Variants in CDK19 observed in about 807,000 individuals in gnomAD.
CDK19 encodes the protein cyclin dependent kinase 19.
A neutral mutation model predicts 68.3 loss-of-function variants in CDK19; 20 were observed. That is an observed-to-expected ratio of 0.29 (90% CI 0.21 to 0.43). The LOEUF is 0.43. CDK19 is among the 20% of genes least tolerant of loss of function. The pLI is 1.00. For synonymous variants in CDK19, 221 were observed against 222.8 expected, an observed-to-expected ratio of 0.99 and a Z score of 0.07; for missense variants, 339 against 623.5, an observed-to-expected ratio of 0.54 and a Z score of 4.86.
intron 1 of CDK19, among the ~76,000 whole-genome samples, chr6:110,746,977 T>G (rs1778119766): frequency 6.6e-6 from 1 of 152,154 alleles, no homozygotes; most frequent in South Asian, 2.1e-4. Flanking sequence ...TTCTCAAGGG[T>G]GCTGATACCA....
At chr6:110,715,416 G>A (rs560670090) in intron 2 of CDK19, among the ~76,000 whole-genome samples, 36 of 152,268 alleles carry the variant, frequency 2.4e-4, no homozygotes, top group Non-Finnish European at 4.7e-4. Flanking sequence ...TTAAGAATCA[G>A]ACAGAAAATG....
Position 110,614,616 on chromosome 6 carries a change from C to T in CDK19, c.1428G>A (p.Gln476=). Residue 476 remains glutamine (Q), a synonymous_variant, in exon 13 of 13, where the codon CAG becomes CAA. Coordinates refer to ENST00000368911, the MANE Select transcript of CDK19 (RefSeq NM_015076.5). ...NYQSSVQGSS[Q]SQSTLGYSSS... ...AAGAGTAGCCAAGTGTGCTCTGGGA[C>T]TGAGAGGATCCCTGAACGCTGCTTT... 6.2e-7 allele frequency: 1 copy of T among 1,613,910 alleles called. No individual in the cohort carries two copies. The highest frequency in any genetic ancestry group is 8.5e-7 in the Non-Finnish European group (1 of 1,179,860).
chr6:110,669,345 C>T (rs946342633), intron 3 of CDK19, among the ~76,000 whole-genome samples: 1 of 152,168 alleles, frequency 6.6e-6, no homozygotes, highest in African/African-American at 2.4e-5. Context: ...CAGGTGTGGT[C>T]ATGCACCTGT....
At position 110,750,006 on chromosome 6, in the gene CDK19, G is replaced by C. The variant is rs541618733; in HGVS notation, c.129-3805C>G. 2.7e-5 allele frequency among the ~76,000 whole-genome samples: 4 copies of C among 145,466 alleles called. 2 individuals carry two copies. The highest frequency in any genetic ancestry group is 1.0e-4 in the African/African-American group (4 of 39,936). On this transcript the variant is annotated intron_variant, in intron 1 of 12. Coordinates refer to ENST00000368911, the MANE Select transcript of CDK19 (RefSeq NM_015076.5). ...AGGCTGGTCTCGAACTCCTGACCTG[G>C]TGATCCGCCCGCCTTGGCCTCCCAA...
chr6:110,684,364 T>G (rs1333542041), intron 2 of CDK19, among the ~76,000 whole-genome samples: 1 of 143,578 alleles, frequency 7.0e-6, no homozygotes, highest in African/African-American at 2.6e-5. Context: ...CCTTGGGATT[T>G]CGATAATCAA....
intron 2 of CDK19, among the ~76,000 whole-genome samples, chr6:110,718,423 C>G (rs1412488894): frequency 6.8e-6 from 1 of 147,914 alleles, no homozygotes; most frequent in Non-Finnish European, 1.5e-5. Context: ...TAGGAAAACT[C>G]TATCAACTGG....
chr6:110,733,404 T>C (rs779287271), intron 2 of CDK19, among the ~76,000 whole-genome samples: 8 of 152,192 alleles, frequency 5.3e-5, no homozygotes, highest in Non-Finnish European at 8.8e-5. Context: ...AAAGCTGTTA[T>C]GAACATCCTT....
intron 2 of CDK19, among the ~76,000 whole-genome samples, chr6:110,676,195 A>G (rs191110935): frequency 4.6e-4 from 70 of 152,370 alleles, no homozygotes; most frequent in African/African-American, 1.4e-3. Context: ...TGTGGTAGCA[A>G]TAACAAGAGA....
chr6:110,780,680 A>G (rs948320156), intron 1 of CDK19, among the ~76,000 whole-genome samples: 1 of 152,088 alleles, frequency 6.6e-6, no homozygotes, highest in African/African-American at 2.4e-5. Context: ...ACAAATATTT[A>G]TTGAGGATCA....
chr6:110,652,876 A>G (rs1312488840), intron 4 of CDK19, among the ~76,000 whole-genome samples: 2 of 152,284 alleles, frequency 1.3e-5, no homozygotes, highest in East Asian at 3.9e-4. Flanking sequence ...AAAGTCTGAG[A>G]TGAGGGCAGA....
At chr6:110,644,265 C>T (rs919910197) in intron 4 of CDK19, among the ~76,000 whole-genome samples, 1 of 149,902 alleles carries the variant, frequency 6.7e-6, no homozygotes, top group Non-Finnish European at 1.5e-5. Context: ...GCATTCCAGC[C>T]TGGGTGACAG....
At chr6:110,810,534 G>A (rs139396560) in intron 1 of CDK19, among the ~76,000 whole-genome samples, 4,264 of 152,246 alleles carry the variant, frequency 0.028, 82 homozygotes, top group South Asian at 0.084. Flanking sequence ...CAGCACTTTG[G>A]GAGGCCGAGG....
At chr6:110,801,981 A>T (rs1285613054) in intron 1 of CDK19, among the ~76,000 whole-genome samples, 1 of 152,224 alleles carries the variant, frequency 6.6e-6, no homozygotes, top group Admixed American at 6.5e-5. Context: ...AATCACAGTG[A>T]GATACCATCT....
At chr6:110,782,020 CA>C (rs1780861738) in intron 1 of CDK19, among the ~76,000 whole-genome samples, 1 of 152,100 alleles carries the variant, frequency 6.6e-6, no homozygotes, top group Admixed American at 6.6e-5. Flanking sequence ...AATTACACAC[CA>C]AAACAGAAGC....
intron 1 of CDK19, chr6:110,813,420 A>T (rs1783274020): frequency 6.6e-6 from 1 of 152,220 alleles, no homozygotes; most frequent in East Asian, 1.9e-4. Flanking sequence ...AACAATGTCC[A>T]AACGGAAAAC....
intron 2 of CDK19, among the ~76,000 whole-genome samples, chr6:110,715,874 T>C (rs1775348122): frequency 1.3e-5 from 2 of 152,204 alleles, no homozygotes; most frequent in East Asian, 3.8e-4. Flanking sequence ...CATTTTTATA[T>C]GATTTAAGTA....
chr6:110,745,534 AAT>A (rs1357503249), intron 2 of CDK19, among the ~76,000 whole-genome samples: 10 of 152,292 alleles, frequency 6.6e-5, no homozygotes, highest in African/African-American at 4.8e-5. Flanking sequence ...GCTACAGAAA[AAT>A]AGACATTAAT....
At chr6:110,790,979 G>A (rs538992498) in intron 1 of CDK19, among the ~76,000 whole-genome samples, 2 of 152,230 alleles carry the variant, frequency 1.3e-5, no homozygotes, top group African/African-American at 4.8e-5. Flanking sequence ...AGACCAACCT[G>A]GCTAACATGG....
intron 1 of CDK19, among the ~76,000 whole-genome samples, chr6:110,801,172 A>C (rs1782315915): frequency 1.3e-5 from 2 of 152,118 alleles, no homozygotes. Context: ...GCTGAGAACC[A>C]AACCAAGAAT....
Sources: allele counts gnomAD v4.1 joint callset (sites outside exome capture counted in the v4.1 genomes callset), GRCh38; gene constraint gnomAD v4.1.1; transcripts MANE v1.5; gene names NCBI Gene and HGNC (gene_info 2026-07-23, HGNC 2026-07-21).